The following PIP5K1B variants were observed in gnomAD, a reference collection of about 807,000 sequenced individuals.
The protein encoded by PIP5K1B is phosphatidylinositol-4-phosphate 5-kinase type 1 beta, also known as phosphatidylinositol 4-phosphate 5-kinase type-1 beta.
PIP5K1B carries 42 observed loss-of-function variants against 67.0 expected under a neutral mutation model. That is an observed-to-expected ratio of 0.63 (90% CI 0.49 to 0.81). The LOEUF (loss-of-function observed/expected upper bound fraction) is 0.81, where lower values mean the gene tolerates loss of function less well. Among genes scored for constraint, PIP5K1B ranks in the 30% least tolerant of loss-of-function variants. The pLI, the probability that PIP5K1B is intolerant of heterozygous loss-of-function variation, is 0.00. For synonymous variants in PIP5K1B, 214 were observed against 231.4 expected, an observed-to-expected ratio of 0.92 and a Z score of 0.68; for missense variants, 459 against 646.3, an observed-to-expected ratio of 0.71 and a Z score of 3.14.
At chr9:68,931,723 G>T (rs1827007086) in intron 12 of PIP5K1B, among the ~76,000 whole-genome samples, 1 of 152,218 alleles carries the variant, frequency 6.6e-6, no homozygotes, top group Admixed American at 6.5e-5. Flanking sequence ...TATGGCAGAA[G>T]GGTGAGCTGA....
intron 2 of PIP5K1B, among the ~76,000 whole-genome samples, chr9:68,791,365 G>A (rs1831961984): frequency 6.6e-6 from 1 of 152,194 alleles, no homozygotes; most frequent in South Asian, 2.1e-4. Flanking sequence ...GGGAGTGGGA[G>A]TGAGGGGATG....
At chr9:68,781,329 G>T in intron 2 of PIP5K1B, 1 of 259,452 alleles carries the variant, frequency 3.9e-6, no homozygotes, top group Non-Finnish European at 7.9e-6. Flanking sequence ...ATAACTGAGA[G>T]CTCTATTTAT....
intron 14 of PIP5K1B, among the ~76,000 whole-genome samples, chr9:68,968,843 G>T (rs1438414011): frequency 1.3e-5 from 2 of 151,922 alleles, no homozygotes; most frequent in Non-Finnish European, 2.9e-5. Flanking sequence ...AAATCTCCAA[G>T]CACTGAACCT....
intron 14 of PIP5K1B, among the ~76,000 whole-genome samples, chr9:68,942,276 A>G (rs1308861506): frequency 6.6e-6 from 1 of 152,206 alleles, no homozygotes; most frequent in Non-Finnish European, 1.5e-5. Flanking sequence ...CTCAAAAGAT[A>G]GCTGGAAGGT....
At chr9:68,741,873 T>C (rs1829026883) in intron 1 of PIP5K1B, among the ~76,000 whole-genome samples, 1 of 152,172 alleles carries the variant, frequency 6.6e-6, no homozygotes, top group East Asian at 1.9e-4. Flanking sequence ...TTGGAAGATT[T>C]GGGTGGTAGT....
chr9:68,798,456 C>T (rs77670791), intron 2 of PIP5K1B, among the ~76,000 whole-genome samples: 19,619 of 152,028 alleles, frequency 0.13, 1,389 homozygotes, highest in Non-Finnish European at 0.16. Flanking sequence ...AAAATCATTG[C>T]CAATTACAAT....
chr9:68,804,088 A>C (rs1294348074), intron 2 of PIP5K1B, among the ~76,000 whole-genome samples: 1 of 152,142 alleles, frequency 6.6e-6, no homozygotes, highest in African/African-American at 2.4e-5. Context: ...AATGGACAAC[A>C]GTCTTTTGAG....
intron 14 of PIP5K1B, among the ~76,000 whole-genome samples, chr9:68,983,661 G>A (rs1056377134): frequency 6.6e-6 from 1 of 152,226 alleles, no homozygotes; most frequent in Non-Finnish European, 1.5e-5. Flanking sequence ...GCTGGGAGCA[G>A]TAGTAGCTCA....
At chr9:68,856,777 C>G (rs776895659) in intron 4 of PIP5K1B, among the ~76,000 whole-genome samples, 2 of 152,184 alleles carry the variant, frequency 1.3e-5, no homozygotes, top group African/African-American at 2.4e-5. Flanking sequence ...AACCTCTTCT[C>G]TCTGCTGGGG....
chr9:68,893,378 G>A (rs1009461084), intron 7 of PIP5K1B, among the ~76,000 whole-genome samples: 10 of 114,678 alleles, frequency 8.7e-5, no homozygotes, highest in South Asian at 3.0e-4. Context: ...CTGTCACCCC[G>A]GCTGGAGTGC....
rs115698445 is a variant in PIP5K1B, at chr9:68,926,422, T to C, written c.1201+3036T>C. ...GGTAATCAAATCTATTGACATTTTC[T>C]CATTTTGATTTTATTATCTATTTTT... On this transcript the variant is annotated intron_variant, in intron 12 of 15. Coordinates refer to ENST00000265382, the MANE Select transcript of PIP5K1B (RefSeq NM_003558.4). 6.8e-3 allele frequency among the ~76,000 whole-genome samples: 1,030 copies of C among 152,298 alleles called. 13 individuals are homozygous for C. Among genetic ancestry groups the C allele is most frequent in the African/African-American group, 0.024 (991 of 41,566 alleles).
chr9:69,003,693 A>C (rs1830933528), intron 15 of PIP5K1B, among the ~76,000 whole-genome samples: 1 of 152,128 alleles, frequency 6.6e-6, no homozygotes, highest in Admixed American at 6.5e-5. Context: ...TGTCAAGGGA[A>C]GGCTTGAGAA....
intron 1 of PIP5K1B, among the ~76,000 whole-genome samples, chr9:68,709,214 A>G (rs776559805): frequency 2.0e-5 from 3 of 152,184 alleles, no homozygotes; most frequent in African/African-American, 4.8e-5. Context: ...AGCAGATGCC[A>G]TTAAAAATAA....
Position 68,835,195 on chromosome 9 carries a change from A to AGAGGAGTG in PIP5K1B, c.69+12512_69+12513insGAGGAGTG, listed in dbSNP as rs1257759159. On this transcript the variant is annotated intron_variant, in intron 4 of 15. Coordinates refer to ENST00000265382, the MANE Select transcript of PIP5K1B (RefSeq NM_003558.4). ...GCCTAGCAGTTTTAAAATCAACTGTATCCCTCTCAAAATCATAGAGGAGTG... is the reference window on the plus strand; with the variant it reads ...GCCTAGCAGTTTTAAAATCAACTGTAGAGGAGTGTCCCTCTCAAAATCATAGAGGAGTG... Among the ~76,000 whole-genome samples the AGAGGAGTG allele has an allele frequency of 2.6e-5, 4 of 152,360 alleles. No individual in the cohort carries two copies. In the East Asian group the frequency reaches 7.7e-4, roughly 29 times the overall value.
At chr9:68,761,883 A>AG (rs1319777648) in intron 2 of PIP5K1B, among the ~76,000 whole-genome samples, 5 of 152,114 alleles carry the variant, frequency 3.3e-5, no homozygotes, top group African/African-American at 1.2e-4. Context: ...CACAGTTTCC[A>AG]GGGGTAAGGA....
intron 5 of PIP5K1B, among the ~76,000 whole-genome samples, chr9:68,867,604 GA>G (rs1397723544): frequency 6.6e-6 from 1 of 152,206 alleles, no homozygotes; most frequent in African/African-American, 2.4e-5. Context: ...CCTATAAAGT[GA>G]TGGATAAATT....
chr9:68,957,901 T>C (rs949600418), intron 14 of PIP5K1B, among the ~76,000 whole-genome samples: 3 of 151,708 alleles, frequency 2.0e-5, no homozygotes, highest in Non-Finnish European at 2.9e-5. Flanking sequence ...TTAGACAAGG[T>C]CTGGCTCTGT....
At chr9:68,863,158 C>T (rs898755062) in intron 4 of PIP5K1B, among the ~76,000 whole-genome samples, 46 of 152,186 alleles carry the variant, frequency 3.0e-4, no homozygotes, top group Non-Finnish European at 2.4e-4. Flanking sequence ...ACCCACTAGA[C>T]GTAATGCCAC....
At chr9:68,924,573 T>G in intron 12 of PIP5K1B, among the ~76,000 whole-genome samples, 1 of 152,042 alleles carries the variant, frequency 6.6e-6, no homozygotes, top group East Asian at 1.9e-4. Flanking sequence ...TGATATTTAT[T>G]AAATTTTCTA....
Sources: gnomAD v4.1 joint callset for allele counts (sites outside exome capture counted in the v4.1 genomes callset) on GRCh38, gnomAD v4.1.1 for gene constraint, MANE v1.5 for transcripts, NCBI Gene and HGNC (gene_info 2026-07-23, HGNC 2026-07-21) for gene names.